TMEM127: variants seen among roughly 807,000 people sequenced by gnomAD.
TMEM127 encodes the protein transmembrane protein 127.
Under a neutral mutation model 20.1 loss-of-function variants are expected in TMEM127, and 21 were observed. The observed-to-expected ratio is 1.04, with a 90% CI of 0.74 to 1.50. The LOEUF (loss-of-function observed/expected upper bound fraction) is 1.50, where lower values mean the gene tolerates loss of function less well. Ranked by LOEUF, TMEM127 falls within the 40% of genes most tolerant of loss-of-function variation. The pLI, the probability that TMEM127 is intolerant of heterozygous loss-of-function variation, is 0.00. For missense variants in TMEM127, 303 were observed against 317.4 expected, an observed-to-expected ratio of 0.95 and a Z score of 0.34; for synonymous variants, 150 against 144.7, an observed-to-expected ratio of 1.04 and a Z score of -0.26.
chr2:96,258,724 C>T (rs955277332), intron 2 of TMEM127, among the ~76,000 whole-genome samples: 3 of 152,204 alleles, frequency 2.0e-5, no homozygotes, highest in Non-Finnish European at 4.4e-5. Context: ...CTCTAGGAGA[C>T]AGGGGCTATC....
In TMEM127 at chr2:96,249,765, G is replaced by A; in HGVS notation, c.*4043C>T. On this transcript the variant is annotated 3_prime_UTR_variant, in exon 4 of 4. Coordinates refer to ENST00000258439, the MANE Select transcript of TMEM127 (RefSeq NM_017849.4). ...TCCCCATAGCATCTGTGTTCCATTA[G>A]TGTAGTGGCTGAGAGCGTGGATATT... 4.3e-6 allele frequency: 1 copy of A among 233,232 alleles called. No homozygotes were observed. Among genetic ancestry groups the A allele is most frequent in the Non-Finnish European group, 8.5e-6 (1 of 118,018 alleles). 14.4% of individuals were successfully genotyped at this position (233,232 alleles called of 1,614,324 possible).
chr2:96,254,463 A>G (rs1326948989), intron 3 of TMEM127, among the ~76,000 whole-genome samples: 4 of 152,216 alleles, frequency 2.6e-5, no homozygotes, highest in African/African-American at 4.8e-5. Context: ...GTAGGGAAGC[A>G]GGAAGGTGGA....
chr2:96,254,839 G>T lies in TMEM127; in HGVS notation c.403C>A (p.Leu135Ile), dbSNP rs751854293. Residue 135 changes from leucine (L) to isoleucine (I), a missense_variant, in exon 3 of 4, where the codon CTA (leucine) becomes ATA (isoleucine). Transcript: ENST00000258439. ...ITRRYAFAHI[L>I]TVLQCATVIG... ...GAGCAGGCTCACGGCTTACCCGTTA[G>T]GATATGGGCGAAGGCATAGCGACGA... 6.2e-7 allele frequency: 1 copy of T among 1,614,128 alleles called. No homozygotes were observed.
chr2:96,256,484 T>C (rs780073879), intron 2 of TMEM127, among the ~76,000 whole-genome samples: 17 of 151,178 alleles, frequency 1.1e-4, no homozygotes, highest in Non-Finnish European at 2.1e-4. Context: ...GGCAGGAGAA[T>C]TGCTTGAACC....
At chr2:96,263,809 C>T in intron 2 of TMEM127, among the ~76,000 whole-genome samples, 1 of 152,016 alleles carries the variant, frequency 6.6e-6, no homozygotes. Context: ...TCTGATGGGT[C>T]TAGTGGTGGG....
chr2:96,254,693 C>T (rs1684164450), intron 3 of TMEM127, 140 bp downstream of exon 3: 1 of 1,155,516 alleles, frequency 8.7e-7, no homozygotes, highest in South Asian at 1.3e-5. Context: ...CCCTGACACT[C>T]TGGGAAAGAC....
rs1449308006 is a variant in TMEM127 at position 96,251,759 on chromosome 2, C to T, written c.*2049G>A. The T allele has an allele frequency of 4.3e-6, 1 of 232,182 alleles. No homozygotes were observed. The highest frequency in any genetic ancestry group is 6.1e-5 in the East Asian group (1 of 16,504). The allele number at this position is 232,182 out of a possible 1,614,324, so 14.4% of individuals were successfully genotyped here. ...TGACAAACTATCAGTGTCAGGATGG[C>T]AGAGGGAAAGAGAAAGAAGAGGAAG... On this transcript the variant is annotated 3_prime_UTR_variant, in exon 4 of 4. Coordinates refer to ENST00000258439, the MANE Select transcript of TMEM127 (RefSeq NM_017849.4).
At chr2:96,262,216 G>A (rs186613024) in intron 2 of TMEM127, among the ~76,000 whole-genome samples, 9 of 150,608 alleles carry the variant, frequency 6.0e-5, no homozygotes, top group African/African-American at 1.5e-4. Flanking sequence ...CTGAGATGGC[G>A]CCGCTGCACT....
At chr2:96,260,847 C>A (rs1684299984) in intron 2 of TMEM127, among the ~76,000 whole-genome samples, 1 of 152,198 alleles carries the variant, frequency 6.6e-6, no homozygotes, top group Non-Finnish European at 1.5e-5. Context: ...TCACTGTGAC[C>A]TTTTTAGCTT....
chr2:96,253,338 G>A lies in TMEM127; in HGVS notation c.*470C>T, dbSNP rs1684130588. 4 of 244,456 alleles carry A rather than the reference G, an allele frequency of 1.6e-5. No individual in the cohort carries two copies. The highest frequency in any genetic ancestry group is 5.1e-5 in the Admixed American group (1 of 19,696). The allele number at this position is 244,456 out of a possible 1,614,324, so 15.1% of individuals were successfully genotyped here. A position where few individuals can be genotyped will look rare whatever the true frequency, so the allele number is the denominator to read the frequency against. On this transcript the variant is annotated 3_prime_UTR_variant, in exon 4 of 4. Coordinates refer to ENST00000258439, the MANE Select transcript of TMEM127 (RefSeq NM_017849.4). This position sits in a 1 kb window ranked among gnomAD's most constrained non-coding sequence, Gnocchi z 4.3. ...GTGGCCTGGGGGCGGGTCACTCCGA[G>A]AAGGAAGGGGTCTGGGGGGCGTCAG... is the stretch of plus-strand genomic sequence containing the variant.
chr2:96,263,360 C>CTTTTT (rs1157265984), intron 2 of TMEM127, among the ~76,000 whole-genome samples: 6 of 109,402 alleles, frequency 5.5e-5, no homozygotes, highest in Non-Finnish European at 9.7e-5. Context: ...CCTGGCCTTT[C>CTTTTT]TTTTTTTTTT....
At chr2:96,256,350 A>T (rs554221074) in intron 2 of TMEM127, among the ~76,000 whole-genome samples, 1 of 152,030 alleles carries the variant, frequency 6.6e-6, no homozygotes, top group African/African-American at 2.4e-5. Flanking sequence ...GGCGGGCAAA[A>T]CACCTGAGGT....
rs1364190464 is a variant in TMEM127, at chr2:96,254,019, A to T, written c.506T>A (p.Val169Asp). ...QQHKKYHGSQVYVTFAVSFYL... is the reference protein window; with the variant it reads ...QQHKKYHGSQDYVTFAVSFYL... The stretch of plus-strand genomic sequence containing the variant: ...GAAGCTAACGGCGAAGGTGACATAG[A>T]CCTGGGATCCATGGTACTTCTTATG... Residue 169 changes from valine (V) to aspartate (D), a missense_variant, in exon 4 of 4, where the codon GTC becomes GAC. Val to Asp is a radical substitution (Grantham distance 152, BLOSUM62 -3). Transcript: ENST00000258439. 1 of 1,614,004 alleles carries T rather than the reference A, an allele frequency of 6.2e-7. No individual in the cohort carries two copies. The highest frequency in any genetic ancestry group is 8.5e-7 in the Non-Finnish European group (1 of 1,180,020).
chr2:96,264,251 T>C (rs1684368256), intron 2 of TMEM127, among the ~76,000 whole-genome samples: 1 of 152,292 alleles, frequency 6.6e-6, no homozygotes, highest in Non-Finnish European at 1.5e-5. Flanking sequence ...CACGCAGATA[T>C]CTAACAGGAA....
intron 2 of TMEM127, among the ~76,000 whole-genome samples, chr2:96,255,346 G>C (rs746370117): frequency 1.3e-5 from 2 of 152,198 alleles, no homozygotes; most frequent in Non-Finnish European, 2.9e-5. Flanking sequence ...TTTTGAGCTG[G>C]CAGGAAAAGC....
intron 2 of TMEM127, among the ~76,000 whole-genome samples, chr2:96,259,054 C>T (rs1349311178): frequency 1.3e-5 from 2 of 152,218 alleles, no homozygotes; most frequent in Non-Finnish European, 2.9e-5. Context: ...TCTTATGTTT[C>T]ATTATACATG....
At chr2:96,260,167 C>G (rs1458018311) in intron 2 of TMEM127, among the ~76,000 whole-genome samples, 1 of 152,222 alleles carries the variant, frequency 6.6e-6, no homozygotes, top group African/African-American at 2.4e-5. Context: ...AGGGGCCTGC[C>G]CCATGTAACA....
chr2:96,263,861 T>A (rs1157486713), intron 2 of TMEM127, among the ~76,000 whole-genome samples: 1 of 152,076 alleles, frequency 6.6e-6, no homozygotes, highest in African/African-American at 2.4e-5. Context: ...TACAGGGCAA[T>A]GTGCTAAAAG....
At chr2:96,261,711 C>T (rs1402507573) in intron 2 of TMEM127, among the ~76,000 whole-genome samples, 5 of 152,198 alleles carry the variant, frequency 3.3e-5, no homozygotes, top group Non-Finnish European at 5.9e-5. Context: ...ACTTTGGAGT[C>T]AATGTCCACT....
Sources: allele counts gnomAD v4.1 joint callset (sites outside exome capture counted in the v4.1 genomes callset), GRCh38; gene constraint gnomAD v4.1.1; non-coding constraint Gnocchi (gnomAD v3.1); transcripts MANE v1.5; gene names NCBI Gene and HGNC (gene_info 2026-07-23, HGNC 2026-07-21).